Variants in MBP observed in about 807,000 individuals in gnomAD.
The protein encoded by MBP is Golli-MBP.
MBP carries 16 observed loss-of-function variants against 35.8 expected under a neutral mutation model. That is an observed-to-expected ratio of 0.45 (90% CI 0.30 to 0.68). The LOEUF is 0.68. Among genes scored for constraint, MBP ranks in the 30% least tolerant of loss-of-function variants. MBP has a pLI of 0.08. For missense variants in MBP, 380 were observed against 404.7 expected (o/e 0.94, Z 0.52); for synonymous variants, 143 against 159.6 (o/e 0.90, Z 0.78).
intron 3 of MBP, among the ~76,000 whole-genome samples, chr18:77,053,816 G>A (rs1483194696): frequency 6.6e-6 from 1 of 152,248 alleles, no homozygotes; most frequent in Non-Finnish European, 1.5e-5. Flanking sequence ...CATGAGCCGG[G>A]CCTGCGTCTA....
chr18:76,993,565 A>C (rs200078865), intron 4 of MBP, among the ~76,000 whole-genome samples: 10,564 of 151,510 alleles, frequency 0.07, 438 homozygotes, highest in East Asian at 0.14. Context: ...AAAAAAAAAA[A>C]AAACAAAAGA....
chr18:77,066,441 A>G, intron 2 of MBP, 56 bp from the exon 3 acceptor site: 2 of 1,091,500 alleles, frequency 1.8e-6, no homozygotes, highest in Middle Eastern at 4.0e-4. Context: ...TTTATCAACA[A>G]AATAATTGTA....
At chr18:77,050,212 C>T (rs1015096154) in intron 3 of MBP, among the ~76,000 whole-genome samples, 4 of 152,130 alleles carry the variant, frequency 2.6e-5, no homozygotes, top group Non-Finnish European at 4.4e-5. Flanking sequence ...TCTATGGAAA[C>T]GTTTCCAAAC....
intron 2 of MBP, among the ~76,000 whole-genome samples, chr18:77,103,054 C>T (rs1976104216): frequency 6.6e-6 from 1 of 152,120 alleles, no homozygotes; most frequent in Non-Finnish European, 1.5e-5. Flanking sequence ...CTTTCTAAAT[C>T]CTTAGGTAAG....
At chr18:76,998,333 ATCCCCTTCCACCT>A (rs1970434181) in intron 4 of MBP, among the ~76,000 whole-genome samples, 2 of 1,478 alleles carry the variant, frequency 1.4e-3, no homozygotes, top group East Asian at 0.05. Context: ...CCCCGTCAGA[ATCCCCTTCCACCT>A]TCCACCGTTA....
intron 3 of MBP, among the ~76,000 whole-genome samples, chr18:77,042,081 G>C (rs1185160791): frequency 2.0e-5 from 3 of 152,132 alleles, no homozygotes; most frequent in Non-Finnish European, 4.4e-5. Context: ...CTCCAACACA[G>C]AAATCAAGGA....
At chr18:77,010,088 G>A in intron 4 of MBP, 2 of 617,790 alleles carry the variant, frequency 3.2e-6, no homozygotes, top group South Asian at 3.7e-5. Context: ...GAGAGAAGAA[G>A]GCATGTGCAG....
intron 1 of MBP, among the ~76,000 whole-genome samples, chr18:77,121,222 G>C (rs1010392016): frequency 3.3e-5 from 5 of 151,860 alleles, no homozygotes; most frequent in African/African-American, 9.7e-5. Flanking sequence ...AGGTGGGAGG[G>C]TCGTTTGAGC....
intron 1 of MBP, chr18:77,108,960 T>C (rs8083056): frequency 0.29 from 44,012 of 152,132 alleles, 6,692 homozygotes; most frequent in South Asian, 0.36. Context: ...ACTCCACTTT[T>C]CTGAGCCTCA....
Position 77,017,208 on chromosome 18 carries a change from G to C in MBP, c.200C>G (p.Ser67Cys). The C allele has an allele frequency of 6.5e-7, 1 of 1,529,256 alleles. No individual in the cohort carries two copies. The highest frequency in any genetic ancestry group is 1.3e-5 in the South Asian group (1 of 77,796). 94.7% of individuals were successfully genotyped at this position (1,529,256 alleles called of 1,614,324 possible). A position where few individuals can be genotyped will look rare whatever the true frequency, so the allele number is the denominator to read the frequency against. Reference protein sequence around the residue: ...TSSQDTAVTDSKRTADPKNAW... With the variant: ...TSSQDTAVTDCKRTADPKNAW... Reference sequence around the variant, plus strand: ...ATTCTTCGGGTCCGCTGTGCGCTTGGAGTCAGTCACCGCTGTGTCCTGAGA... The same window carrying C: ...ATTCTTCGGGTCCGCTGTGCGCTTGCAGTCAGTCACCGCTGTGTCCTGAGA... The change falls in exon 4 of 9, where the codon TCC becomes TGC. Residue 67 changes from serine to cysteine, a missense_variant. Physicochemically the swap from Ser to Cys is moderately radical, Grantham distance 112 (BLOSUM62 -1). Transcript: ENST00000355994.
chr18:77,059,393 A>G (rs1315355762), intron 3 of MBP, among the ~76,000 whole-genome samples: 1 of 152,008 alleles, frequency 6.6e-6, no homozygotes, highest in East Asian at 1.9e-4. Context: ...CCCATTAATT[A>G]ATTTTAATTA....
chr18:77,104,192 A>G (rs1336927412), intron 2 of MBP, among the ~76,000 whole-genome samples: 4 of 152,228 alleles, frequency 2.6e-5, no homozygotes, highest in African/African-American at 9.6e-5. Context: ...GATCCAGTCA[A>G]TAGAGGAAAA....
At chr18:77,028,954 C>CCTCA (rs1434429625) in intron 3 of MBP, among the ~76,000 whole-genome samples, 1 of 71,806 alleles carries the variant, frequency 1.4e-5, no homozygotes, top group African/African-American at 4.0e-5. Context: ...CAGAGGGGCT[C>CCTCA]CATCCCAGAC....
At chr18:77,105,433 C>G (rs183223173) in intron 1 of MBP, 147 bp from the exon 2 acceptor site, 2 of 537,142 alleles carry the variant, frequency 3.7e-6, no homozygotes, top group Non-Finnish European at 6.9e-6. Flanking sequence ...AGAAGAGACA[C>G]GTCCAAGTCA....
intron 3 of MBP, among the ~76,000 whole-genome samples, chr18:77,056,685 T>A (rs1205646294): frequency 2.0e-5 from 3 of 152,148 alleles, no homozygotes; most frequent in African/African-American, 7.2e-5. Flanking sequence ...TTCAGCTCGC[T>A]CTCTCCTACT....
intron 2 of MBP, among the ~76,000 whole-genome samples, chr18:77,082,766 C>T (rs375145316): frequency 0.058 from 1,862 of 32,178 alleles, 1 homozygote; most frequent in South Asian, 0.11. Context: ...AGCAGCTGGA[C>T]CAGGTGGTCT....
intron 4 of MBP, among the ~76,000 whole-genome samples, chr18:77,009,658 T>C (rs1159514581): frequency 6.6e-6 from 1 of 152,196 alleles, no homozygotes; most frequent in African/African-American, 2.4e-5. Flanking sequence ...TCTTGGGCAT[T>C]TGTCTCTTCC....
At chr18:77,106,111 T>C (rs544086392) in intron 1 of MBP, among the ~76,000 whole-genome samples, 101 of 152,334 alleles carry the variant, frequency 6.6e-4, no homozygotes, top group Non-Finnish European at 1.3e-3. Flanking sequence ...TTTTCCATGA[T>C]GGATGTATTC....
At chr18:77,121,094 T>C (rs1459138292) in intron 1 of MBP, among the ~76,000 whole-genome samples, 1 of 152,142 alleles carries the variant, frequency 6.6e-6, no homozygotes, top group Admixed American at 6.5e-5. Flanking sequence ...AACCCAGGTG[T>C]TCGAGACAAG....
Sources: allele counts gnomAD v4.1 joint callset (sites outside exome capture counted in the v4.1 genomes callset), GRCh38; gene constraint gnomAD v4.1.1; transcripts MANE v1.5; gene names NCBI Gene and HGNC (gene_info 2026-07-23, HGNC 2026-07-21).